TKT: variants seen among roughly 807,000 people sequenced by gnomAD.
The protein encoded by TKT is transketolase.
TKT carries 47 observed loss-of-function variants against 63.9 expected under a neutral mutation model. The observed-to-expected ratio is 0.74, with a 90% CI of 0.58 to 0.94. TKT has a LOEUF of 0.94. TKT is among the 40% of genes least tolerant of loss of function. The probability of loss-of-function intolerance (pLI) is 0.00; values close to 1 mark genes in which losing one functional copy is unlikely to be tolerated. For missense variants in TKT, 721 were observed against 846.2 expected (o/e 0.85, Z 1.84); for synonymous variants, 338 against 334.1 (o/e 1.01, Z -0.13).
Position 53,229,536 on chromosome 3 carries a change from A to G in TKT, c.1108-100T>C, listed in dbSNP as rs782113651. The G allele has an allele frequency of 4.6e-6, 6 of 1,312,848 alleles. No individual in the cohort carries two copies. The Admixed American group carries it at 6.2e-5, about 14-fold the overall frequency. 81.3% of individuals were successfully genotyped at this position (1,312,848 alleles called of 1,614,324 possible). A position where few individuals can be genotyped will look rare whatever the true frequency, so the allele number is the denominator to read the frequency against. On this transcript the variant is annotated intron_variant, in intron 8 of 13. Transcript: ENST00000462138. ...GGAGAAAGCCACAATTTGTATATAG[A>G]TTGTCCATCCTTTCTGGGCTTCTGA...
intron 12 of TKT, 115 bp from the exon 13 acceptor site, chr3:53,226,993 GGGCCTGTCCCTGTCCC>G: frequency 1.2e-5 from 16 of 1,342,226 alleles, no homozygotes; most frequent in Non-Finnish European, 1.6e-5. Flanking sequence ...CTCAGCCTGC[GGGCCTGTCCCTGTCCC>G]AGGGAGAACC....
Position 53,231,495 on chromosome 3 carries a change from C to T in TKT, c.804G>A (p.Glu268=), listed in dbSNP as rs1553677054. 6.2e-7 allele frequency: 1 copy of T among 1,614,118 alleles called. No individual in the cohort carries two copies. Among genetic ancestry groups the T allele is most frequent in the Non-Finnish European group, 8.5e-7 (1 of 1,180,010 alleles). Residue 268 remains glutamate (E), a synonymous_variant, in exon 7 of 14, where the codon GAG becomes GAA. Coordinates refer to ENST00000462138, the MANE Select transcript of TKT (RefSeq NM_001064.4). ...HGKPLPKNMA[E]QIIQEIYSQI... ...GGCTGTAGATCTCCTGGATGATCTGCTCAGCCATGTTTTTGGGGAGGGGCT... is the reference window on the plus strand; with the variant it reads ...GGCTGTAGATCTCCTGGATGATCTGTTCAGCCATGTTTTTGGGGAGGGGCT...
intron 1 of TKT, among the ~76,000 whole-genome samples, chr3:53,248,073 C>A (rs782507995): frequency 6.6e-6 from 1 of 152,156 alleles, no homozygotes; most frequent in Admixed American, 6.6e-5. Context: ...AGTTTCCTCA[C>A]TATAAAACGG....
At chr3:53,235,380 T>C (rs560158276) in intron 4 of TKT, 8 of 481,500 alleles carry the variant, frequency 1.7e-5, no homozygotes, top group Non-Finnish European at 2.9e-5. Flanking sequence ...GAAAATGGCA[T>C]GAAGGAAGAC....
Position 53,229,335 on chromosome 3 carries a change from G to C in TKT, c.1209C>G (p.Ala403=), listed in dbSNP as rs144151385. 336 of 1,613,966 alleles carry C rather than the reference G, an allele frequency of 2.1e-4. No individual in the cohort carries two copies. The African/African-American group carries it at 4.2e-3, about 20-fold the overall frequency. The change falls in exon 9 of 14, where the codon GCC becomes GCG. Residue 403 remains alanine (A), a synonymous_variant. Coordinates refer to ENST00000462138, the MANE Select transcript of TKT (RefSeq NM_001064.4). ...GGTTGATGTTGCTCTCGGAGATGGC[G>C]GCCATGCGAATCTGGTCAAAGGCCC... is the stretch of plus-strand genomic sequence containing the variant. The part of the protein sequence containing the change: ...FTRAFDQIRM[A]AISESNINLC...
chr3:53,250,114 C>T (rs558306509), intron 1 of TKT, among the ~76,000 whole-genome samples: 3 of 152,344 alleles, frequency 2.0e-5, no homozygotes, highest in East Asian at 3.9e-4. Context: ...GGGCAGAGAA[C>T]CAAGCCACCC....
intron 10 of TKT, 171 bp downstream of exon 10, chr3:53,228,836 T>TG: frequency 1.1e-5 from 10 of 897,016 alleles, no homozygotes; most frequent in Non-Finnish European, 1.7e-5. Context: ...TGGCAGTAAG[T>TG]GGGGTGTGTA....
chr3:53,255,780 C>A (rs1364861599), intron 1 of TKT, 56 bp downstream of exon 1: 4 of 1,224,376 alleles, frequency 3.3e-6, no homozygotes, highest in African/African-American at 1.6e-5. Flanking sequence ...CTCTGGCCGC[C>A]GCAGACGCCC....
At chr3:53,228,723 A>AC in intron 10 of TKT, 1 of 530,704 alleles carries the variant, frequency 1.9e-6, no homozygotes, top group South Asian at 2.1e-5. Context: ...GTCTTGGAGA[A>AC]CCCAACTCAG....
chr3:53,248,154 G>A (rs1204806941), intron 1 of TKT, among the ~76,000 whole-genome samples: 7 of 152,184 alleles, frequency 4.6e-5, no homozygotes, highest in Non-Finnish European at 8.8e-5. Context: ...ATAGAAATTA[G>A]CAATTGCTCA....
At chr3:53,238,711 C>T (rs1415990430) in intron 4 of TKT, among the ~76,000 whole-genome samples, 1 of 152,224 alleles carries the variant, frequency 6.6e-6, no homozygotes, top group Non-Finnish European at 1.5e-5. Flanking sequence ...CCTGTGGTGC[C>T]CTCAGCCTCT....
chr3:53,239,493 G>C (rs1365496571), intron 4 of TKT, among the ~76,000 whole-genome samples: 1 of 151,996 alleles, frequency 6.6e-6, no homozygotes, highest in Non-Finnish European at 1.5e-5. Context: ...ATTTTTTGTA[G>C]AGAGAGTCTT....
In TKT at chr3:53,226,885, G is replaced by C; in HGVS notation, c.1574-7C>G. The C allele has an allele frequency of 1.9e-6, 3 of 1,601,218 alleles. No homozygotes were observed. Among genetic ancestry groups the C allele is most frequent in the Non-Finnish European group, 2.6e-6 (3 of 1,172,812 alleles). ...ACGCGGATGTTGATCTTTTCTGTGA[G>C]GGAGAGCACACGGCGTGGCTGAGGG... On this transcript the variant is annotated splice_polypyrimidine_tract_variant and splice_region_variant and intron_variant, in intron 12 of 13. Coordinates refer to ENST00000462138, the MANE Select transcript of TKT (RefSeq NM_001064.4).
intron 1 of TKT, among the ~76,000 whole-genome samples, chr3:53,252,340 T>C (rs1373379979): frequency 6.6e-6 from 1 of 152,240 alleles, no homozygotes. Context: ...AGACTACCTG[T>C]GTCTCAAGTC....
intron 13 of TKT, chr3:53,226,206 C>T: frequency 2.5e-6 from 1 of 399,260 alleles, no homozygotes; most frequent in Non-Finnish European, 4.5e-6. Flanking sequence ...AGGTGTGAGC[C>T]ACCATGCACG....
Position 53,226,736 on chromosome 3 carries a change from C to A in TKT, c.1696+20G>T, listed in dbSNP as rs1553675604. ...CTGGCCCTGTCCCTTGCCCAGCCTG[C>A]CTGCCCCAGGCCTCCTTACCTTCAT... On this transcript the variant is annotated intron_variant, in intron 13 of 13. Transcript: ENST00000462138. 2 of 1,613,988 alleles carry A rather than the reference C, an allele frequency of 1.2e-6. No individual in the cohort carries two copies. The highest frequency in any genetic ancestry group is 1.7e-6 in the Non-Finnish European group (2 of 1,179,918).
At chr3:53,239,674 G>A (rs1705188011) in intron 4 of TKT, among the ~76,000 whole-genome samples, 2 of 151,914 alleles carry the variant, frequency 1.3e-5, no homozygotes, top group South Asian at 4.1e-4. Context: ...TCACCTGGTG[G>A]GCGCTAGAGC....
At chr3:53,227,822 TTA>T in intron 12 of TKT, 1 of 464,400 alleles carries the variant, frequency 2.2e-6, no homozygotes, top group Non-Finnish European at 3.9e-6. Flanking sequence ...GGTCTCGACT[TTA>T]GAGTCATAGG....
intron 4 of TKT, among the ~76,000 whole-genome samples, chr3:53,236,576 G>GGA (rs1705043014): frequency 6.6e-6 from 1 of 152,178 alleles, no homozygotes; most frequent in Non-Finnish European, 1.5e-5. Context: ...CAGGGACTCT[G>GGA]GTCTGGCACA....
Sources: gnomAD v4.1 joint callset for allele counts (sites outside exome capture counted in the v4.1 genomes callset) on GRCh38, gnomAD v4.1.1 for gene constraint, MANE v1.5 for transcripts, NCBI Gene and HGNC (gene_info 2026-07-23, HGNC 2026-07-21) for gene names.